SMG5: variants seen among roughly 807,000 people sequenced by gnomAD.
SMG5 encodes the protein SMG5 nonsense mediated mRNA decay factor.
A neutral mutation model predicts 122.9 loss-of-function variants in SMG5; 53 were observed. The ratio of observed to expected loss-of-function variants is 0.43; its 90% confidence interval spans 0.35 to 0.54. The LOEUF (loss-of-function observed/expected upper bound fraction) is 0.54, where lower values mean the gene tolerates loss of function less well. Ranked by LOEUF, SMG5 falls within the 20% of genes least tolerant of loss-of-function variation. The probability of loss-of-function intolerance (pLI) is 0.01; values close to 1 mark genes in which losing one functional copy is unlikely to be tolerated. For missense variants in SMG5, 1,153 were observed against 1,285.6 expected (o/e 0.90, Z 1.58); for synonymous variants, 477 against 490.2 (o/e 0.97, Z 0.35).
chr1:156,253,708 C>A, intron 16 of SMG5, 200 bp from the exon 17 acceptor site: 1 of 610,992 alleles, frequency 1.6e-6, no homozygotes, highest in Non-Finnish European at 3.0e-6. Context: ...CCATTACCAA[C>A]CCGATGCAGG....
chr1:156,270,700 A>G (rs1662370281), intron 7 of SMG5, among the ~76,000 whole-genome samples: 1 of 152,198 alleles, frequency 6.6e-6, no homozygotes, highest in African/African-American at 2.4e-5. Flanking sequence ...ATTCTCAGGA[A>G]GGCATTTAAG....
At chr1:156,264,615 C>G (rs1374269925) in intron 12 of SMG5, among the ~76,000 whole-genome samples, 1 of 152,136 alleles carries the variant, frequency 6.6e-6, no homozygotes, top group African/African-American at 2.4e-5. Context: ...TTGAAGGAGT[C>G]CCAGACCAAG....
intron 7 of SMG5, 58 bp from the exon 8 acceptor site, chr1:156,268,473 C>T: frequency 6.3e-7 from 1 of 1,593,388 alleles, no homozygotes; most frequent in South Asian, 1.1e-5. Flanking sequence ...TGTTACTCTG[C>T]TGGGGCTTTA....
chr1:156,270,691 T>C (rs1662369674), intron 7 of SMG5, among the ~76,000 whole-genome samples: 1 of 152,148 alleles, frequency 6.6e-6, no homozygotes, highest in African/African-American at 2.4e-5. Flanking sequence ...AGGGGGGTCA[T>C]TCTCAGGAAG....
chr1:156,254,735 G>T (rs1366270535), intron 16 of SMG5, among the ~76,000 whole-genome samples: 2 of 152,056 alleles, frequency 1.3e-5, no homozygotes, highest in East Asian at 3.9e-4. Flanking sequence ...GCGAGCCACA[G>T]CGCCCAGCCC....
At chr1:156,285,326 G>A (rs551463475), upstream of SMG5, 2 of 1,573,140 alleles carry the variant, frequency 1.3e-6, no homozygotes, top group South Asian at 2.4e-5. Flanking sequence ...CCGGCAGCCA[G>A]AAGGGGAAGG....
intron 17 of SMG5, 111 bp from the exon 18 acceptor site, chr1:156,253,189 T>A (rs1661430514): frequency 8.2e-7 from 1 of 1,224,054 alleles, no homozygotes; most frequent in South Asian, 1.5e-5. Flanking sequence ...GTTAAGGGGA[T>A]CAGAGGACCC....
In SMG5 at chr1:156,267,504, G is replaced by C; in HGVS notation, c.1083C>G (p.Ile361Met). ...CCAAGCTGTGCACACACATAAGGCA[G>C]ATGATGACCATTTGAAAGATGAGAA... is the stretch of plus-strand genomic sequence containing the variant. ...PDLLIFQMVI[I>M]CLMCVHSLER... is the part of the protein sequence containing the mutation. Residue 361 changes from isoleucine to methionine, a missense_variant, in exon 10 of 22, where the codon ATC (isoleucine) becomes ATG (methionine). Physicochemically the swap from Ile to Met is conservative, Grantham distance 10 (BLOSUM62 1). Transcript: ENST00000361813. 1 of 1,614,170 alleles carries C rather than the reference G, an allele frequency of 6.2e-7. No homozygotes were observed. The highest frequency in any genetic ancestry group is 8.5e-7 in the Non-Finnish European group (1 of 1,180,020).
At chr1:156,265,728 G>A in intron 12 of SMG5, 53 bp downstream of exon 12, 1 of 1,576,538 alleles carries the variant, frequency 6.3e-7, no homozygotes, top group Admixed American at 1.8e-5. Flanking sequence ...TCTGGTGAGT[G>A]TCTATGGCAT....
At position 156,259,155 on chromosome 1, in the gene SMG5, C is replaced by T. The variant is rs201941222; in HGVS notation, c.2292G>A (p.Val764=). ...CAAAGCTGCGGATGCAGCAGATGCGCACCACTGACTGTGGGGAGATACAGG... is the reference window on the plus strand; with the variant it reads ...CAAAGCTGCGGATGCAGCAGATGCGTACCACTGACTGTGGGGAGATACAGG... ...PLLSTLEESV[V]RICCIRSFGH... is the part of the protein sequence containing the mutation. The change falls in exon 16 of 22, where the codon GTG becomes GTA. Residue 764 remains valine (V), a synonymous_variant. Transcript: ENST00000361813. The T allele has an allele frequency of 6.3e-7, 1 of 1,579,066 alleles. No homozygotes were observed. The highest frequency in any genetic ancestry group is 1.7e-4 in the Middle Eastern group (1 of 5,878).
At chr1:156,268,754 T>C (rs1180001611) in intron 7 of SMG5, among the ~76,000 whole-genome samples, 2 of 152,248 alleles carry the variant, frequency 1.3e-5, no homozygotes, top group African/African-American at 4.8e-5. Context: ...GGATAGCATT[T>C]AACAAGCATT....
chr1:156,262,759 G>A (rs866095863), intron 13 of SMG5, among the ~76,000 whole-genome samples: 8 of 152,168 alleles, frequency 5.3e-5, no homozygotes, highest in South Asian at 2.1e-4. Context: ...GACCCAAACC[G>A]TCTCATCTGG....
intron 16 of SMG5, among the ~76,000 whole-genome samples, chr1:156,257,801 T>G (rs1661649850): frequency 6.6e-6 from 1 of 151,970 alleles, no homozygotes; most frequent in Admixed American, 6.6e-5. Context: ...CTGGGACAGG[T>G]GCAAAGGAAG....
chr1:156,251,300 T>G, intron 20 of SMG5, 103 bp downstream of exon 20: 2 of 1,356,490 alleles, frequency 1.5e-6, no homozygotes, highest in Non-Finnish European at 2.1e-6. Flanking sequence ...AGGCTACGTG[T>G]GGAGCCTCAG....
At chr1:156,289,192 G>C in the SMG5 span, among the ~76,000 whole-genome samples, 1 of 152,168 alleles carries the variant, frequency 6.6e-6, no homozygotes, top group East Asian at 1.9e-4. Context: ...CTAGTACTTG[G>C]TGCCAGGCGT....
At chr1:156,270,648 T>C (rs1323325587) in intron 7 of SMG5, among the ~76,000 whole-genome samples, 1 of 152,186 alleles carries the variant, frequency 6.6e-6, no homozygotes, top group East Asian at 1.9e-4. Context: ...TAAATCATGC[T>C]TATGAGTATG....
At chr1:156,253,235 A>T (rs1174059205) in intron 17 of SMG5, among the ~76,000 whole-genome samples, 157 bp from the exon 18 acceptor site, 2 of 152,134 alleles carry the variant, frequency 1.3e-5, no homozygotes, top group East Asian at 3.8e-4. Flanking sequence ...AGTAAACAGA[A>T]ATAAGAGTTA....
chr1:156,273,535 G>T, intron 5 of SMG5, 85 bp from the exon 6 acceptor site: 2 of 1,285,774 alleles, frequency 1.6e-6, no homozygotes, highest in Non-Finnish European at 2.2e-6. Context: ...CACTCTGAGA[G>T]TGGTAACAAG....
At chr1:156,271,731 T>C (rs1662445395) in intron 7 of SMG5, among the ~76,000 whole-genome samples, 1 of 125,370 alleles carries the variant, frequency 8.0e-6, no homozygotes, top group South Asian at 2.8e-4. Flanking sequence ...TAGCTAGGAT[T>C]AGAGGCGCTC....
Sources: allele counts gnomAD v4.1 joint callset (sites outside exome capture counted in the v4.1 genomes callset), GRCh38; gene constraint gnomAD v4.1.1; transcripts MANE v1.5; gene names NCBI Gene and HGNC (gene_info 2026-07-23, HGNC 2026-07-21).